FAF1: variants seen among roughly 807,000 people sequenced by gnomAD.
FAF1 encodes the protein Fas associated factor 1.
A neutral mutation model predicts 92.5 loss-of-function variants in FAF1; 25 were observed. The ratio of observed to expected loss-of-function variants is 0.27; its 90% confidence interval spans 0.20 to 0.38. The LOEUF (loss-of-function observed/expected upper bound fraction) is 0.38, where lower values mean the gene tolerates loss of function less well. Ranked by LOEUF, FAF1 falls within the 10% of genes least tolerant of loss-of-function variation. The pLI, the probability that FAF1 is intolerant of heterozygous loss-of-function variation, is 1.00. For missense variants in FAF1, 636 were observed against 793.3 expected (o/e 0.80, Z 2.38); for synonymous variants, 234 against 273.2 (o/e 0.86, Z 1.42).
intron 15 of FAF1, among the ~76,000 whole-genome samples, chr1:50,533,671 C>G (rs1002252106): frequency 5.9e-5 from 9 of 152,136 alleles, no homozygotes; most frequent in Non-Finnish European, 2.9e-5. Context: ...TCCTTAGAAA[C>G]TTTTCATCAT....
intron 15 of FAF1, among the ~76,000 whole-genome samples, chr1:50,509,816 T>C (rs1303564365): frequency 3.9e-5 from 6 of 151,976 alleles, no homozygotes. Flanking sequence ...ACTTAATTTC[T>C]GTGCCCTTGG....
At chr1:50,464,128 ATGT>A (rs1342254525) in intron 18 of FAF1, among the ~76,000 whole-genome samples, 2 of 152,164 alleles carry the variant, frequency 1.3e-5, no homozygotes, top group African/African-American at 4.8e-5. Flanking sequence ...ACCATGTGCC[ATGT>A]CTGTGTCCTC....
intron 4 of FAF1, among the ~76,000 whole-genome samples, chr1:50,760,954 GAAGAA>G (rs1273362020): frequency 6.6e-6 from 1 of 152,002 alleles, no homozygotes; most frequent in Non-Finnish European, 1.5e-5. Flanking sequence ...GACTAATAAA[GAAGAA>G]AAGAGAGAAG....
chr1:50,804,645 ACT>A (rs1662119905), intron 2 of FAF1, among the ~76,000 whole-genome samples: 1 of 152,168 alleles, frequency 6.6e-6, no homozygotes, highest in African/African-American at 2.4e-5. Flanking sequence ...AGAATAATTG[ACT>A]CTCTTAAAAC....
intron 15 of FAF1, among the ~76,000 whole-genome samples, chr1:50,527,751 T>G (rs931012157): frequency 2.0e-5 from 3 of 151,990 alleles, no homozygotes; most frequent in Non-Finnish European, 4.4e-5. Flanking sequence ...CCATTACCAT[T>G]GTATATGCCA....
In FAF1 at chr1:50,820,200, T is replaced by A. The variant is rs191066055; in HGVS notation, c.115-18523A>T. Among the ~76,000 whole-genome samples the A allele has an allele frequency of 2.2e-3, 339 of 152,220 alleles. 3 individuals carry two copies. The highest frequency in any genetic ancestry group is 8.1e-3 in the African/African-American group (335 of 41,540). On this transcript the variant is annotated intron_variant, in intron 2 of 18. Transcript: ENST00000396153. The stretch of plus-strand genomic sequence containing the variant: ...GTTGCAGTTTTGCAAGATGAAAAAG[T>A]TCTGGAGATTTTTTTCACAACAATG...
At chr1:50,594,631 G>A (rs1265925384) in intron 9 of FAF1, among the ~76,000 whole-genome samples, 39 of 151,222 alleles carry the variant, frequency 2.6e-4, no homozygotes, top group Non-Finnish European at 5.2e-4. Context: ...AGGCCGGGGG[G>A]GGTGGGGGTT....
chr1:50,708,186 C>A lies in FAF1; in HGVS notation c.552-2295G>T, dbSNP rs549867039. ...TTTATACAAGATTATTCTGGCTGCT[C>A]TGGCCACAGTGAGCAAAGACTGGGG... On this transcript the variant is annotated intron_variant, in intron 6 of 18. Coordinates refer to ENST00000396153, the MANE Select transcript of FAF1 (RefSeq NM_007051.3). Among the ~76,000 whole-genome samples the A allele has an allele frequency of 2.2e-4, 34 of 152,280 alleles. 1 individual carries two copies. In the South Asian group the frequency reaches 4.8e-3, roughly 21 times the overall value.
At chr1:50,879,983 A>G (rs80184555) in intron 1 of FAF1, among the ~76,000 whole-genome samples, 1,870 of 152,350 alleles carry the variant, frequency 0.012, 25 homozygotes, top group African/African-American at 0.042. Flanking sequence ...AACAAAAAGC[A>G]TAAGTCTTGA....
chr1:50,642,739 T>TATAA (rs1553123959), intron 8 of FAF1, among the ~76,000 whole-genome samples: 15 of 151,834 alleles, frequency 9.9e-5, no homozygotes, highest in African/African-American at 3.6e-4. Context: ...TTCCTTTTAA[T>TATAA]GTAATTCATA....
intron 8 of FAF1, among the ~76,000 whole-genome samples, chr1:50,621,224 A>T (rs1553122023): frequency 1.3e-5 from 2 of 152,090 alleles, no homozygotes; most frequent in Non-Finnish European, 2.9e-5. Context: ...AGTCACTGGG[A>T]AAATACTCAG....
At chr1:50,769,129 C>A (rs1660687039) in intron 4 of FAF1, among the ~76,000 whole-genome samples, 1 of 151,820 alleles carries the variant, frequency 6.6e-6, no homozygotes, top group African/African-American at 2.4e-5. Context: ...ACCACCAAAC[C>A]CACAGAAATA....
At chr1:50,740,655 C>T (rs1210952260) in intron 5 of FAF1, among the ~76,000 whole-genome samples, 4 of 151,914 alleles carry the variant, frequency 2.6e-5, no homozygotes, top group African/African-American at 7.3e-5. Flanking sequence ...ATAACCCACT[C>T]GATTAACTTC....
intron 15 of FAF1, among the ~76,000 whole-genome samples, chr1:50,500,802 A>G (rs1427847907): frequency 2.0e-5 from 3 of 152,176 alleles, no homozygotes; most frequent in Admixed American, 2.0e-4. Flanking sequence ...ATTAAAAATC[A>G]AAGTTAAAAA....
chr1:50,721,716 T>C (rs1187471382), intron 6 of FAF1, among the ~76,000 whole-genome samples: 3 of 152,008 alleles, frequency 2.0e-5, no homozygotes, highest in African/African-American at 7.2e-5. Context: ...ATCAACCTCC[T>C]GGCCTCAAGC....
intron 18 of FAF1, among the ~76,000 whole-genome samples, chr1:50,468,769 A>AT (rs202018603): frequency 0.01 from 1,549 of 151,564 alleles, 39 homozygotes; most frequent in East Asian, 0.015. Context: ...TAATTTTTGT[A>AT]TTTTTTAGTA....
chr1:50,564,947 TTTTA>T (rs370578254), intron 13 of FAF1, among the ~76,000 whole-genome samples: 1 of 152,042 alleles, frequency 6.6e-6, no homozygotes, highest in Non-Finnish European at 1.5e-5. Flanking sequence ...AGCTATGTAA[TTTTA>T]TTTGTTTTTT....
chr1:50,707,262 C>T (rs1657713410), intron 6 of FAF1, among the ~76,000 whole-genome samples: 1 of 150,974 alleles, frequency 6.6e-6, no homozygotes, highest in African/African-American at 2.4e-5. Flanking sequence ...TCTTCCATAG[C>T]GTTCACAGGT....
At chr1:50,492,710 T>C (rs1646853843) in intron 15 of FAF1, among the ~76,000 whole-genome samples, 1 of 152,194 alleles carries the variant, frequency 6.6e-6, no homozygotes. Context: ...AAATTTCATA[T>C]AGTTAATTTC....
Sources: gnomAD v4.1 joint callset for allele counts (sites outside exome capture counted in the v4.1 genomes callset) on GRCh38, gnomAD v4.1.1 for gene constraint, MANE v1.5 for transcripts, NCBI Gene and HGNC (gene_info 2026-07-23, HGNC 2026-07-21) for gene names.